Variants in KHDC4 observed in about 807,000 individuals in gnomAD.
The protein encoded by KHDC4 is KH domain containing 4, pre-mRNA splicing factor, also known as KH homology domain-containing protein 4.
In KHDC4, 19 loss-of-function variants were observed where a neutral mutation model predicts 74.5. That is an observed-to-expected ratio of 0.26 (90% CI 0.18 to 0.37). The LOEUF (loss-of-function observed/expected upper bound fraction) is 0.37, where lower values mean the gene tolerates loss of function less well. Among genes scored for constraint, KHDC4 ranks in the 10% least tolerant of loss-of-function variants. KHDC4 has a pLI of 1.00. For synonymous variants in KHDC4, 253 were observed against 266.1 expected, an observed-to-expected ratio of 0.95 and a Z score of 0.48; for missense variants, 632 against 754.1, an observed-to-expected ratio of 0.84 and a Z score of 1.90.
At chr1:155,923,183 C>T (rs1242999628) in intron 8 of KHDC4, among the ~76,000 whole-genome samples, 2 of 141,088 alleles carry the variant, frequency 1.4e-5, no homozygotes, top group South Asian at 2.2e-4. Flanking sequence ...CCAGCCTGGG[C>T]GACAGAAAAA....
chr1:155,929,383 A>C lies in KHDC4; in HGVS notation c.385-8T>G, dbSNP rs1386629923. On this transcript the variant is annotated splice_region_variant and splice_polypyrimidine_tract_variant and intron_variant, in intron 3 of 13. Transcript: ENST00000368321. ...CCCACTAAGTCGGCTGATCTAAAAA[A>C]GGAAATGTTCAATTAAAAAAATGTG... 1 of 1,610,662 alleles carries C rather than the reference A, an allele frequency of 6.2e-7. No individual in the cohort carries two copies. The highest frequency in any genetic ancestry group is 8.5e-7 in the Non-Finnish European group (1 of 1,177,776).
intron 7 of KHDC4, among the ~76,000 whole-genome samples, chr1:155,924,467 G>GA (rs1673938729): frequency 6.6e-6 from 1 of 152,008 alleles, no homozygotes; most frequent in Non-Finnish European, 1.5e-5. Context: ...CCTCGGCCCT[G>GA]AAAGTGCTGG....
At chr1:155,914,522 G>A in intron 13 of KHDC4, 3 of 467,072 alleles carry the variant, frequency 6.4e-6, no homozygotes, top group African/African-American at 2.1e-5. Flanking sequence ...GAATCCACCA[G>A]AACCATGTAA....
intron 2 of KHDC4, among the ~76,000 whole-genome samples, chr1:155,930,827 C>T (rs968768558): frequency 1.3e-4 from 20 of 152,216 alleles, no homozygotes; most frequent in Middle Eastern, 3.4e-3. Flanking sequence ...TCAGCCTGGT[C>T]AACATGGTGA....
chr1:155,928,519 GAAT>G (rs1424664601), intron 4 of KHDC4, among the ~76,000 whole-genome samples: 1 of 142,718 alleles, frequency 7.0e-6, no homozygotes, highest in Non-Finnish European at 1.5e-5. Flanking sequence ...CTCAAACACG[GAAT>G]GATGGAAGGA....
In KHDC4 at chr1:155,928,723, G is replaced by T. The variant is rs566273719; in HGVS notation, c.464+573C>A. On this transcript the variant is annotated intron_variant, in intron 4 of 13. Coordinates refer to ENST00000368321, the MANE Select transcript of KHDC4 (RefSeq NM_014949.4). ...ATCCCAGCACTTTGGGAGGCCGAGG[G>T]GGGTGGATCACAAGGTCAGGAGATC... Among the ~76,000 whole-genome samples, 453 of 151,646 alleles carry T rather than the reference G, an allele frequency of 3.0e-3. 2 individuals are homozygous for T. Among genetic ancestry groups the T allele is most frequent in the Non-Finnish European group, 2.0e-3 (136 of 67,858 alleles).
chr1:155,916,469 T>C (rs1673733059), intron 12 of KHDC4, among the ~76,000 whole-genome samples, 156 bp downstream of exon 12: 1 of 152,252 alleles, frequency 6.6e-6, no homozygotes, highest in South Asian at 2.1e-4. Context: ...TATCATATTT[T>C]ACTTCATTGC....
At chr1:155,926,328 T>TC in intron 6 of KHDC4, 1 of 274,726 alleles carries the variant, frequency 3.6e-6, no homozygotes, top group Non-Finnish European at 6.9e-6. Context: ...CTTGGCACTT[T>TC]TTTTTTTTTT....
chr1:155,924,745 T>C (rs952796780), intron 7 of KHDC4, among the ~76,000 whole-genome samples: 2 of 151,788 alleles, frequency 1.3e-5, no homozygotes, highest in Non-Finnish European at 2.9e-5. Flanking sequence ...GGCTAATTTT[T>C]ATACTTTTAG....
Position 155,926,695 on chromosome 1 carries a change from T to G in KHDC4, c.662A>C (p.Lys221Thr). ...IAQLSPAVSQ[K>T]PPFQSGMHYV... ...ACATACCCCTGACTGGAAGGGAGGC[T>G]TCTGGCTAACAGCTGGAGACAACTG... The change falls in exon 6 of 14, where the codon AAG (lysine) becomes ACG (threonine). Residue 221 changes from lysine (K) to threonine (T), a missense_variant. This residue lies in a region of KHDC4 where 233 missense variants were observed against 342.6 expected (regional missense o/e 0.68). Transcript: ENST00000368321. 6.2e-7 allele frequency: 1 copy of G among 1,614,180 alleles called. No individual in the cohort carries two copies. The highest frequency in any genetic ancestry group is 8.5e-7 in the Non-Finnish European group (1 of 1,180,030).
intron 2 of KHDC4, among the ~76,000 whole-genome samples, chr1:155,931,597 G>T (rs1387787620): frequency 6.6e-6 from 1 of 152,138 alleles, no homozygotes; most frequent in Non-Finnish European, 1.5e-5. Context: ...AATTGTTTTT[G>T]TATTTTCTGT....
intron 3 of KHDC4, 88 bp downstream of exon 3, chr1:155,929,624 A>G (rs1201823827): frequency 6.9e-7 from 1 of 1,442,626 alleles, no homozygotes; most frequent in Non-Finnish European, 9.4e-7. Context: ...CAAACCCACT[A>G]ATAAATATCT....
rs1673742823 is a variant in KHDC4 at position 155,916,863 on chromosome 1, C to T, written c.1441-126G>A. The T allele has an allele frequency of 9.3e-6, 6 of 643,128 alleles. No individual in the cohort carries two copies. The South Asian group carries it at 1.2e-4, about 13-fold the overall frequency. The allele number at this position is 643,128 out of a possible 1,614,324, so 39.8% of individuals were successfully genotyped here. A position where few individuals can be genotyped will look rare whatever the true frequency, so the allele number is the denominator to read the frequency against. On this transcript the variant is annotated intron_variant, in intron 11 of 13. Transcript: ENST00000368321. ...TGTAGTACGTTAAACTACTACAAAG[C>T]TCTTTGGGATCTGCTGTGTAACTGT...
Position 155,933,618 on chromosome 1 carries a change from T to G in KHDC4, c.255+15A>C, listed in dbSNP as rs768337304. 1 of 1,583,234 alleles carries G rather than the reference T, an allele frequency of 6.3e-7. No individual in the cohort carries two copies. The highest frequency in any genetic ancestry group is 8.7e-7 in the Non-Finnish European group (1 of 1,155,918). On this transcript the variant is annotated intron_variant, in intron 2 of 13. Transcript: ENST00000368321. ...TTAAATTCGCAATTAGTGGAGACCC[T>G]TCAACTTCAAATACCTTCTCAGAAG... is the stretch of plus-strand genomic sequence containing the variant.
chr1:155,925,911 G>T, intron 6 of KHDC4, 68 bp from the exon 7 acceptor site: 1 of 1,292,466 alleles, frequency 7.7e-7, no homozygotes, highest in Non-Finnish European at 1.1e-6. Flanking sequence ...TTTGAAATAA[G>T]TCAATAAGAA....
chr1:155,922,573 T>C (rs761579399), intron 8 of KHDC4, among the ~76,000 whole-genome samples: 4 of 152,188 alleles, frequency 2.6e-5, no homozygotes, highest in Admixed American at 1.3e-4. Context: ...GCCACAGAAA[T>C]TAAGTAACTA....
At position 155,933,826 on chromosome 1, in the gene KHDC4, G is replaced by T. The variant is rs765477934; in HGVS notation, c.62C>A (p.Pro21Gln). The T allele has an allele frequency of 6.4e-6, 10 of 1,572,692 alleles. No individual in the cohort carries two copies. Among genetic ancestry groups the T allele is most frequent in the Non-Finnish European group, 1.7e-6 (2 of 1,157,124 alleles). The stretch of plus-strand genomic sequence containing the variant: ...GAGGAAGAGAAGTGGGGCTGGAGCT[G>T]GTTGGTCCCATTTGCTGCGGCGCCT... The part of the protein sequence containing the change: ...AGGRRSKWDQ[P>Q]APAPLLFLPP... The change falls in exon 2 of 14, where the codon CCA (proline) becomes CAA (glutamine). Residue 21 changes from proline (P) to glutamine (Q), a missense_variant. Pro to Gln is a moderately conservative substitution (Grantham distance 76, BLOSUM62 -1). Transcript: ENST00000368321.
chr1:155,917,595 C>A lies in KHDC4; in HGVS notation c.1344G>T (p.Gln448His). 1.8e-6 allele frequency: 1 copy of A among 567,236 alleles called. No individual in the cohort carries two copies. Among genetic ancestry groups the A allele is most frequent in the Non-Finnish European group, 2.8e-6 (1 of 358,748 alleles). The allele number at this position is 567,236 out of a possible 1,614,324, so 35.1% of individuals were successfully genotyped here. A position where few individuals can be genotyped will look rare whatever the true frequency, so the allele number is the denominator to read the frequency against. ...GCTGACTTGGGAGTGGGGGCTGGGG[C>A]TGGGGCTGGGGCTGGGGGCCAGCAG... ...ALPAGPQPQP[Q>H]PQPPLPSQPQ... is the part of the protein sequence containing the mutation. Residue 448 changes from glutamine (Q) to histidine (H), a missense_variant, in exon 11 of 14, where the codon CAG becomes CAT. Physicochemically the swap from Gln to His is conservative, Grantham distance 24. Around this residue, in one of 4 missense-constraint regions of KHDC4, gnomAD observed 254 missense variants for 267.4 expected, o/e 0.95. Coordinates refer to ENST00000368321, the MANE Select transcript of KHDC4 (RefSeq NM_014949.4).
At position 155,929,811 on chromosome 1, in the gene KHDC4, G is replaced by C; in HGVS notation, c.285C>G (p.Ser95Arg). Residue 95 changes from serine to arginine, a missense_variant, in exon 3 of 14, where the codon AGC (serine) becomes AGG (arginine). Physicochemically the swap from Ser to Arg is moderately radical, Grantham distance 110. Coordinates refer to ENST00000368321, the MANE Select transcript of KHDC4 (RefSeq NM_014949.4). ...CCACCAGGTCATCCTTGCTTTTATT[G>C]CTAGTTAGGCCTTTGCCAGGAGCCT... ...KLQAPGKGLTSNKSKDDLVVA... is the reference protein window; with the variant it reads ...KLQAPGKGLTRNKSKDDLVVA... The C allele has an allele frequency of 1.9e-6, 3 of 1,609,372 alleles. No individual in the cohort carries two copies. The highest frequency in any genetic ancestry group is 2.2e-5 in the South Asian group (2 of 90,304).
Sources: gnomAD v4.1 joint callset for allele counts (sites outside exome capture counted in the v4.1 genomes callset) on GRCh38, gnomAD v4.1.1 for gene constraint, gnomAD v4.1.1 regional missense constraint, MANE v1.5 for transcripts, NCBI Gene and HGNC (gene_info 2026-07-23, HGNC 2026-07-21) for gene names.